The following CLNK variants were observed in gnomAD, a reference collection of about 807,000 sequenced individuals.
CLNK encodes cytokine-dependent hematopoietic cell linker.
CLNK carries 74 observed loss-of-function variants against 68.6 expected under a neutral mutation model. That is an observed-to-expected ratio of 1.08 (90% CI 0.89 to 1.31). The LOEUF is 1.31. Among genes scored for constraint, CLNK ranks in the 50% most tolerant of loss-of-function variants. CLNK has a pLI of 0.00. For missense variants in CLNK, 553 were observed against 515.3 expected (o/e 1.07, Z -0.71); for synonymous variants, 198 against 172.2 (o/e 1.15, Z -1.17).
chr4:10,499,059 G>T (rs1716927572), intron 18 of CLNK, among the ~76,000 whole-genome samples: 1 of 140,292 alleles, frequency 7.1e-6, no homozygotes, highest in Non-Finnish European at 1.5e-5. Flanking sequence ...GGCATTATCA[G>T]TACCAGCTCA....
At chr4:10,635,620 T>A (rs770331571) in intron 2 of CLNK, among the ~76,000 whole-genome samples, 8 of 152,236 alleles carry the variant, frequency 5.3e-5, no homozygotes, top group Admixed American at 5.2e-4. Flanking sequence ...GCTGATGTCC[T>A]TTAAATCTTT....
chr4:10,553,889 G>C (rs893100496), intron 8 of CLNK, among the ~76,000 whole-genome samples: 2 of 152,330 alleles, frequency 1.3e-5, no homozygotes, highest in Admixed American at 1.3e-4. Flanking sequence ...AGACATTGCT[G>C]TTCCTTATAC....
intron 7 of CLNK, among the ~76,000 whole-genome samples, chr4:10,562,756 C>T (rs1040136453): frequency 1.6e-4 from 25 of 152,266 alleles, no homozygotes; most frequent in African/African-American, 5.1e-4. Context: ...TCGATCTCTA[C>T]TGAGAATTTT....
At chr4:10,543,122 G>C (rs934277614) in intron 8 of CLNK, among the ~76,000 whole-genome samples, 2 of 152,104 alleles carry the variant, frequency 1.3e-5, no homozygotes, top group Non-Finnish European at 2.9e-5. Context: ...CACCGAACAT[G>C]TTGCCATAGG....
At chr4:10,574,492 T>TC (rs1237420451) in intron 4 of CLNK, among the ~76,000 whole-genome samples, 3 of 152,172 alleles carry the variant, frequency 2.0e-5, no homozygotes, top group Admixed American at 2.0e-4. Flanking sequence ...TGATGTCTGA[T>TC]CACCCTGGTC....
chr4:10,588,440 G>A (rs1245481834), intron 3 of CLNK, among the ~76,000 whole-genome samples: 1 of 152,172 alleles, frequency 6.6e-6, no homozygotes, highest in East Asian at 1.9e-4. Context: ...CTAGCGGGTT[G>A]TTCCCAGTCT....
At chr4:10,570,587 G>A (rs1025989941) in intron 5 of CLNK, among the ~76,000 whole-genome samples, 2 of 152,052 alleles carry the variant, frequency 1.3e-5, no homozygotes, top group Non-Finnish European at 2.9e-5. Context: ...ATGTGTGTTT[G>A]TATGTTTCTG....
intron 2 of CLNK, among the ~76,000 whole-genome samples, chr4:10,664,404 C>G (rs944281056): frequency 7.9e-5 from 12 of 152,278 alleles, no homozygotes; most frequent in African/African-American, 2.6e-4. Flanking sequence ...AGAACTACCC[C>G]ACAAGGCACA....
At chr4:10,665,610 G>A (rs1724365469) in intron 2 of CLNK, among the ~76,000 whole-genome samples, 1 of 148,026 alleles carries the variant, frequency 6.8e-6, no homozygotes, top group African/African-American at 2.5e-5. Context: ...GTTGCAGTGA[G>A]CTGAGATCAT....
chr4:10,721,701 C>A, the CLNK span, among the ~76,000 whole-genome samples: 1 of 152,110 alleles, frequency 6.6e-6, no homozygotes, highest in East Asian at 1.9e-4. Flanking sequence ...CAGTAATTAT[C>A]GAGTTGTATG....
At chr4:10,540,282 G>A (rs998856419) in intron 11 of CLNK, among the ~76,000 whole-genome samples, 5 of 152,154 alleles carry the variant, frequency 3.3e-5, no homozygotes, top group Admixed American at 6.5e-5. Flanking sequence ...TGTAAGTTTC[G>A]TGAGGCTTCC....
the CLNK span, among the ~76,000 whole-genome samples, chr4:10,723,043 TA>T: frequency 9.1e-4 from 132 of 145,536 alleles, no homozygotes; most frequent in African/African-American, 2.7e-3. Flanking sequence ...GACTCTGTAT[TA>T]AAAAAAAAAA....
intron 2 of CLNK, among the ~76,000 whole-genome samples, chr4:10,662,424 C>T (rs1724230954): frequency 6.6e-6 from 1 of 152,196 alleles, no homozygotes; most frequent in Admixed American, 6.5e-5. Flanking sequence ...ATTAAACACG[C>T]TAATATTTCT....
At chr4:10,559,400 A>G (rs999315003) in intron 7 of CLNK, among the ~76,000 whole-genome samples, 2 of 151,712 alleles carry the variant, frequency 1.3e-5, no homozygotes, top group Non-Finnish European at 2.9e-5. Context: ...ATTTTTTTTT[A>G]TCGTGGCTAT....
chr4:10,560,221 C>A (rs968759728), intron 7 of CLNK, among the ~76,000 whole-genome samples: 2 of 152,186 alleles, frequency 1.3e-5, no homozygotes, highest in African/African-American at 4.8e-5. Context: ...ATCTGGGTCA[C>A]TGCCTCCTCC....
chr4:10,609,067 G>C (rs1392352051), intron 2 of CLNK, among the ~76,000 whole-genome samples: 2 of 152,202 alleles, frequency 1.3e-5, no homozygotes, highest in Middle Eastern at 3.2e-3. Flanking sequence ...CAAACATTCA[G>C]TTCATAACAG....
At chr4:10,545,720 G>T (rs972610737) in intron 8 of CLNK, among the ~76,000 whole-genome samples, 1 of 152,162 alleles carries the variant, frequency 6.6e-6, no homozygotes, top group African/African-American at 2.4e-5. Context: ...CTCCACTCCT[G>T]TGACAAGTCT....
At chr4:10,678,962 C>G (rs148997155) in intron 1 of CLNK, among the ~76,000 whole-genome samples, 1 of 152,202 alleles carries the variant, frequency 6.6e-6, no homozygotes, top group East Asian at 1.9e-4. Flanking sequence ...AGATTCAATG[C>G]CATCCCCATC....
chr4:10,642,174 G>T (rs758842327), intron 2 of CLNK, among the ~76,000 whole-genome samples: 2 of 152,114 alleles, frequency 1.3e-5, no homozygotes, highest in South Asian at 4.1e-4. Flanking sequence ...ACACAAATTG[G>T]ACATACATAG....
Sources: gnomAD v4.1 joint callset for allele counts (sites outside exome capture counted in the v4.1 genomes callset) on GRCh38, gnomAD v4.1.1 for gene constraint, MANE v1.5 for transcripts, NCBI Gene and HGNC (gene_info 2026-07-23, HGNC 2026-07-21) for gene names.